ERBB4: variants seen among roughly 807,000 people sequenced by gnomAD.
ERBB4 encodes the protein erb-b2 receptor tyrosine kinase 4.
A neutral mutation model predicts 158.0 loss-of-function variants in ERBB4; 42 were observed. The ratio of observed to expected loss-of-function variants is 0.27; its 90% CI spans 0.21 to 0.34. The LOEUF (loss-of-function observed/expected upper bound fraction) is 0.34, where lower values mean the gene tolerates loss of function less well. Ranked by LOEUF, ERBB4 falls within the 10% of genes least tolerant of loss-of-function variation. The probability of loss-of-function intolerance (pLI) is 1.00; values close to 1 mark genes in which losing one functional copy is unlikely to be tolerated. For synonymous variants in ERBB4, 583 were observed against 558.7 expected, an observed-to-expected ratio of 1.04 and a Z score of -0.61; for missense variants, 1,333 against 1,624.1, an observed-to-expected ratio of 0.82 and a Z score of 3.08.
At chr2:212,028,105 C>T (rs886116778) in intron 2 of ERBB4, among the ~76,000 whole-genome samples, 8 of 152,042 alleles carry the variant, frequency 5.3e-5, no homozygotes, top group Middle Eastern at 3.2e-3. Flanking sequence ...GCCAACACTT[C>T]CTTCAATAAT....
intron 2 of ERBB4, among the ~76,000 whole-genome samples, chr2:212,095,934 C>CAAAAAAAAAAAAA (rs746751111): frequency 1.9e-5 from 1 of 53,098 alleles, no homozygotes. Context: ...GACTCTGTCT[C>CAAAAAAAAAAAAA]AAAAAAAAAA....
chr2:211,529,568 C>T (rs956861990), intron 20 of ERBB4, among the ~76,000 whole-genome samples: 5 of 151,962 alleles, frequency 3.3e-5, no homozygotes, highest in African/African-American at 7.2e-5. Context: ...AGGCCAATAT[C>T]GCTGATGAAC....
chr2:212,020,661 TA>T (rs1311856004), intron 2 of ERBB4, among the ~76,000 whole-genome samples: 1 of 152,244 alleles, frequency 6.6e-6, no homozygotes, highest in African/African-American at 2.4e-5. Context: ...ACACTAAGAA[TA>T]AAATACATAT....
chr2:212,373,826 T>TATATATATATCCATGTATATATCC (rs1553627614), intron 1 of ERBB4, among the ~76,000 whole-genome samples: 3,457 of 39,510 alleles, frequency 0.087, 485 homozygotes, highest in African/African-American at 0.23. Context: ...TATATATCCA[T>TATATATATATCCATGTATATATCC]ATATATATAT....
intron 1 of ERBB4, among the ~76,000 whole-genome samples, chr2:212,417,934 T>G (rs554622527): frequency 6.6e-6 from 1 of 152,088 alleles, no homozygotes; most frequent in South Asian, 2.1e-4. Flanking sequence ...TAGGTTTAGA[T>G]GCAGTCATAA....
intron 2 of ERBB4, among the ~76,000 whole-genome samples, chr2:211,957,702 T>G (rs1365975717): frequency 3.9e-5 from 6 of 152,148 alleles, no homozygotes; most frequent in African/African-American, 1.4e-4. Context: ...TCTATTGTTT[T>G]TCTGAATCCA....
chr2:211,962,003 A>G (rs936021138), intron 2 of ERBB4, among the ~76,000 whole-genome samples: 1 of 152,088 alleles, frequency 6.6e-6, no homozygotes, highest in Non-Finnish European at 1.5e-5. Context: ...TTTGGGGAGA[A>G]AAGCATTTGA....
chr2:211,870,213 T>C (rs1012437832), intron 3 of ERBB4, among the ~76,000 whole-genome samples: 1 of 152,180 alleles, frequency 6.6e-6, no homozygotes, highest in African/African-American at 2.4e-5. Context: ...TTTTAATGCA[T>C]GTCATTGTCC....
chr2:211,787,000 G>A (rs1324284720), intron 4 of ERBB4, among the ~76,000 whole-genome samples: 1 of 152,062 alleles, frequency 6.6e-6, no homozygotes, highest in Non-Finnish European at 1.5e-5. Context: ...TAAAGTTTTA[G>A]CCATTTATTA....
At position 212,192,907 on chromosome 2, in the gene ERBB4, A is replaced by G. The variant is rs375073080; in HGVS notation, c.83-68004T>C. 3.3e-5 allele frequency among the ~76,000 whole-genome samples: 5 copies of G among 152,148 alleles called. No homozygotes were observed. In the East Asian group the frequency reaches 7.7e-4, roughly 23 times the overall value. The stretch of plus-strand genomic sequence containing the variant: ...ACCCTCTGATATTTCCTGTTTTTAA[A>G]CAACTAAAGTTGTTTTGTATTCCCT... On this transcript the variant is annotated intron_variant, in intron 1 of 27. Coordinates refer to ENST00000342788, the MANE Select transcript of ERBB4 (RefSeq NM_005235.3).
intron 2 of ERBB4, among the ~76,000 whole-genome samples, chr2:212,072,664 G>C (rs1315439324): frequency 6.6e-6 from 1 of 151,926 alleles, no homozygotes; most frequent in Non-Finnish European, 1.5e-5. Context: ...AAACTGTAGA[G>C]CTTTTAATGA....
chr2:212,046,489 G>C (rs2077264461), intron 2 of ERBB4, among the ~76,000 whole-genome samples: 1 of 152,126 alleles, frequency 6.6e-6, no homozygotes, highest in African/African-American at 2.4e-5. Flanking sequence ...GTATAGGATG[G>C]TCTAGATCTG....
Position 211,713,522 on chromosome 2 carries a change from A to G in ERBB4, c.997+13T>C, listed in dbSNP as rs2073785069. 1 of 1,473,566 alleles carries G rather than the reference A, an allele frequency of 6.8e-7. No individual in the cohort carries two copies. Among genetic ancestry groups the G allele is most frequent in the African/African-American group, 1.4e-5 (1 of 72,062 alleles). 91.3% of individuals were successfully genotyped at this position (1,473,566 alleles called of 1,614,324 possible). ...GGCCCAGTTCTAACTAAATAATCTGAGCTACCACTCACCTTTTGGGCAAAT... is the reference window on the plus strand; with the variant it reads ...GGCCCAGTTCTAACTAAATAATCTGGGCTACCACTCACCTTTTGGGCAAAT... On this transcript the variant is annotated intron_variant, in intron 8 of 27. Coordinates refer to ENST00000342788, the MANE Select transcript of ERBB4 (RefSeq NM_005235.3).
chr2:212,523,158 A>C (rs942760302), intron 1 of ERBB4, among the ~76,000 whole-genome samples: 3 of 151,984 alleles, frequency 2.0e-5, no homozygotes, highest in Non-Finnish European at 4.4e-5. Flanking sequence ...ATAAAGGTCT[A>C]CTTTATTTGT....
chr2:212,370,502 A>G (rs1022113046), intron 1 of ERBB4, among the ~76,000 whole-genome samples: 5 of 152,164 alleles, frequency 3.3e-5, no homozygotes, highest in Non-Finnish European at 7.3e-5. Context: ...TGCCCCAAAC[A>G]TATTTTTATA....
chr2:212,306,692 C>G (rs1233222789), intron 1 of ERBB4, among the ~76,000 whole-genome samples: 2 of 141,480 alleles, frequency 1.4e-5, no homozygotes, highest in Non-Finnish European at 3.1e-5. Context: ...TAAATTTATA[C>G]CCTAACATTT....
At position 211,381,792 on chromosome 2, in the gene ERBB4, A is replaced by G. The variant is rs1350990724; in HGVS notation, c.*1823T>C. The stretch of plus-strand genomic sequence containing the variant: ...TACTCTAATTAATTAATCTTATACT[A>G]TTGATTCTAATTTGGTCCCAATATT... On this transcript the variant is annotated 3_prime_UTR_variant, in exon 28 of 28. Transcript: ENST00000342788. The G allele has an allele frequency of 8.7e-6, 2 of 229,762 alleles. No homozygotes were observed. Among genetic ancestry groups the G allele is most frequent in the African/African-American group, 2.2e-5 (1 of 45,190 alleles). 14.2% of individuals were successfully genotyped at this position (229,762 alleles called of 1,614,324 possible).
At chr2:212,108,324 T>C (rs1017853335) in intron 2 of ERBB4, among the ~76,000 whole-genome samples, 1 of 152,162 alleles carries the variant, frequency 6.6e-6, no homozygotes, top group South Asian at 2.1e-4. Context: ...CAGTGGAATA[T>C]CAACTAACTT....
chr2:212,399,581 TATATTG>T lies in ERBB4; in HGVS notation c.82+138862_82+138867del, dbSNP rs1446099967. Among the ~76,000 whole-genome samples the T allele has an allele frequency of 2.6e-4, 28 of 108,798 alleles. 1 individual carries two copies. The highest frequency in any genetic ancestry group is 9.4e-4 in the African/African-American group (24 of 25,582). 71.4% of individuals were successfully genotyped at this position (108,798 alleles called of 152,430 possible). On this transcript the variant is annotated intron_variant, in intron 1 of 27. Coordinates refer to ENST00000342788, the MANE Select transcript of ERBB4 (RefSeq NM_005235.3). ...ATATATATATATATATATATATATA[TATATTG>T]GGCGTGGTGTCTTATGCCTGTAATC...
Sources: allele counts gnomAD v4.1 joint callset (sites outside exome capture counted in the v4.1 genomes callset), GRCh38; gene constraint gnomAD v4.1.1; transcripts MANE v1.5; gene names NCBI Gene and HGNC (gene_info 2026-07-23, HGNC 2026-07-21).